ANKS1A: variants seen among roughly 807,000 people sequenced by gnomAD.
The protein encoded by ANKS1A is ankyrin repeat and SAM domain-containing protein 1A.
ANKS1A carries 55 observed loss-of-function variants against 120.3 expected under a neutral mutation model. The ratio of observed to expected loss-of-function variants is 0.46; its 90% CI spans 0.37 to 0.57. The LOEUF (loss-of-function observed/expected upper bound fraction) is 0.57. Among genes scored for constraint, ANKS1A ranks in the 20% least tolerant of loss-of-function variants. The probability of loss-of-function intolerance (pLI) is 0.00; values close to 1 mark genes in which losing one functional copy is unlikely to be tolerated. For synonymous variants in ANKS1A, 590 were observed against 604.7 expected (o/e 0.98, Z 0.36); for missense variants, 1,123 against 1,480.3 (o/e 0.76, Z 3.96).
At position 35,070,492 on chromosome 6, in the gene ANKS1A, T is replaced by A. The variant is rs1160605489; in HGVS notation, c.2185-8066T>A. The stretch of plus-strand genomic sequence containing the variant: ...TCCCCACAAGCCTTTATCTTTTTTT[T>A]TTTTTTTTTTTTTTTTTGAGACAGT... On this transcript the variant is annotated intron_variant, in intron 13 of 23. Coordinates refer to ENST00000360359, the MANE Select transcript of ANKS1A (RefSeq NM_015245.3). 2.9e-3 allele frequency among the ~76,000 whole-genome samples: 402 copies of A among 138,254 alleles called. 2 individuals carry two copies. Among genetic ancestry groups the A allele is most frequent in the African/African-American group, 0.01 (378 of 36,062 alleles). 90.7% of individuals were successfully genotyped at this position (138,254 alleles called of 152,430 possible).
chr6:35,010,746 A>C (rs1773720659), intron 10 of ANKS1A, among the ~76,000 whole-genome samples: 1 of 152,176 alleles, frequency 6.6e-6, no homozygotes, highest in Non-Finnish European at 1.5e-5. Flanking sequence ...ATGGGGTCTA[A>C]TTTCTAAGGT....
chr6:34,985,179 C>G lies in ANKS1A; in HGVS notation c.1110C>G (p.Cys370Trp). Residue 370 changes from cysteine (C) to tryptophan (W), a missense_variant, in exon 8 of 24, where the codon TGC (cysteine) becomes TGG (tryptophan). Cys to Trp is a radical substitution (Grantham distance 215). Coordinates refer to ENST00000360359, the MANE Select transcript of ANKS1A (RefSeq NM_015245.3). Reference protein sequence around the residue: ...PYEALYNAISCHSLDSMASGR... With the variant: ...PYEALYNAISWHSLDSMASGR... ...AAGCTCTGTATAATGCCATCTCCTG[C>G]CATTCGTTGGACAGCATGGCCAGCG... 1 of 1,614,200 alleles carries G rather than the reference C, an allele frequency of 6.2e-7. No homozygotes were observed. The highest frequency in any genetic ancestry group is 2.2e-5 in the East Asian group (1 of 44,880).
Position 35,050,463 on chromosome 6 carries a change from C to T in ANKS1A, c.2011-3636C>T, listed in dbSNP as rs1775914091. 6.6e-6 allele frequency among the ~76,000 whole-genome samples: 1 copy of T among 152,166 alleles called. No homozygotes were observed. The highest frequency in any genetic ancestry group is 1.5e-5 in the Non-Finnish European group (1 of 67,992). On this transcript the variant is annotated intron_variant, in intron 11 of 23. Transcript: ENST00000360359. The surrounding 1 kb of genome is among the most constrained non-coding windows in gnomAD (Gnocchi z 4.3). ...TGCCCGTCCATTACACTTAACCTGC[C>T]TCTTCCCCTGAAATGCAGACCATTT...
chr6:34,946,589 A>T (rs62402676), intron 1 of ANKS1A, among the ~76,000 whole-genome samples: 115 of 145,322 alleles, frequency 7.9e-4, no homozygotes, highest in African/African-American at 2.8e-3. Context: ...CTCTGTCTTG[A>T]AAAAAAAAAA....
Position 35,018,077 on chromosome 6 carries a change from TCA to T in ANKS1A, c.2010+21_2010+22del. ...GGGATGAGGTAAGGCCGACATGACG[TCA>T]CAGGGAGCTGGGCTGGCCAGGCTGG... On this transcript the variant is annotated intron_variant, in intron 11 of 23. Coordinates refer to ENST00000360359, the MANE Select transcript of ANKS1A (RefSeq NM_015245.3). 1.2e-6 allele frequency: 2 copies of T among 1,607,520 alleles called. No homozygotes were observed. The highest frequency in any genetic ancestry group is 1.7e-6 in the Non-Finnish European group (2 of 1,176,614).
chr6:35,047,195 A>G (rs1052176880), intron 11 of ANKS1A, among the ~76,000 whole-genome samples: 5 of 152,172 alleles, frequency 3.3e-5, no homozygotes, highest in Admixed American at 1.3e-4. Context: ...GTATGTATGT[A>G]TGTATTTTTA....
chr6:35,029,803 A>G (rs1002283136), intron 11 of ANKS1A, among the ~76,000 whole-genome samples: 13 of 148,484 alleles, frequency 8.8e-5, no homozygotes, highest in Non-Finnish European at 3.0e-5. Context: ...ATACAAATAT[A>G]TATTATTTGA....
At chr6:35,009,660 T>C (rs1188593153) in intron 10 of ANKS1A, among the ~76,000 whole-genome samples, 1 of 151,772 alleles carries the variant, frequency 6.6e-6, no homozygotes, top group Non-Finnish European at 1.5e-5. Flanking sequence ...CCCAGCACTT[T>C]GGGAGGTTGA....
intron 2 of ANKS1A, among the ~76,000 whole-genome samples, chr6:34,969,613 T>C (rs1231588222): frequency 5.3e-5 from 8 of 152,330 alleles, no homozygotes; most frequent in Admixed American, 4.6e-4. Flanking sequence ...CACTAAATGC[T>C]CTGAATAATG....
Position 34,983,220 on chromosome 6 carries a change from A to G in ANKS1A, c.910+6A>G. On this transcript the variant is annotated splice_donor_region_variant and intron_variant, in intron 6 of 23. Coordinates refer to ENST00000360359, the MANE Select transcript of ANKS1A (RefSeq NM_015245.3). The stretch of plus-strand genomic sequence containing the variant: ...AATAGCAGCATTAATTGAAGGTATC[A>G]TCCTTTCTCCCTGTCTGGGTGACCA... The G allele has an allele frequency of 6.2e-7, 1 of 1,613,990 alleles. No individual in the cohort carries two copies. The highest frequency in any genetic ancestry group is 8.5e-7 in the Non-Finnish European group (1 of 1,179,864).
At chr6:34,949,826 A>C (rs140990111) in intron 1 of ANKS1A, among the ~76,000 whole-genome samples, 1 of 152,158 alleles carries the variant, frequency 6.6e-6, no homozygotes, top group Non-Finnish European at 1.5e-5. Context: ...TAGCCTCTTT[A>C]ATTGAAGAGC....
intron 2 of ANKS1A, 98 bp from the exon 3 acceptor site, chr6:34,969,912 A>G (rs1771095724): frequency 5.7e-6 from 8 of 1,405,448 alleles, no homozygotes; most frequent in Non-Finnish European, 7.8e-6. Context: ...GCCAAATGAG[A>G]TATCTGTGAA....
chr6:35,085,850 G>T lies in ANKS1A; in HGVS notation c.3217G>T (p.Ala1073Ser). 6.2e-7 allele frequency: 1 copy of T among 1,613,768 alleles called. No homozygotes were observed. Residue 1073 changes from alanine to serine, a missense_variant, in exon 22 of 24, where the codon GCG becomes TCG. Ala to Ser is a moderately conservative substitution (Grantham distance 99). This residue lies in a region of ANKS1A where 904 missense variants were observed against 1,130.4 expected (regional missense o/e 0.80). Coordinates refer to ENST00000360359, the MANE Select transcript of ANKS1A (RefSeq NM_015245.3). This position sits in a 1 kb window ranked among gnomAD's most constrained non-coding sequence, Gnocchi z 4.7. Reference protein sequence around the residue: ...QLALQAQKSRATGASAAEMIE... With the variant: ...QLALQAQKSRSTGASAAEMIE... ...GGCCCTGCAGGCCCAGAAGTCCAGG[G>T]CGACGGGCGCCTCTGCAGCTGAGAT... is the stretch of plus-strand genomic sequence containing the variant.
At chr6:34,949,748 A>T (rs1019842971) in intron 1 of ANKS1A, among the ~76,000 whole-genome samples, 15 of 152,198 alleles carry the variant, frequency 9.9e-5, no homozygotes, top group Admixed American at 9.8e-4. Context: ...CTCGCCTTTG[A>T]AATCACTGAG....
intron 13 of ANKS1A, among the ~76,000 whole-genome samples, chr6:35,063,551 A>G (rs1776622452): frequency 6.6e-6 from 1 of 152,256 alleles, no homozygotes; most frequent in African/African-American, 2.4e-5. Flanking sequence ...GAGTGAAGAA[A>G]CTGACACAGA....
chr6:35,085,677 G>A lies in ANKS1A; in HGVS notation c.3133-89G>A. The A allele has an allele frequency of 4.3e-6, 6 of 1,380,090 alleles. No homozygotes were observed. The highest frequency in any genetic ancestry group is 5.8e-6 in the Non-Finnish European group (6 of 1,027,432). 85.5% of individuals were successfully genotyped at this position (1,380,090 alleles called of 1,614,324 possible). ...GGAGCGCTCCCGGGTAGACTTAGAGGGGGACACATGGTCCCTGCGAGGAAG... is the reference window on the plus strand; with the variant it reads ...GGAGCGCTCCCGGGTAGACTTAGAGAGGGACACATGGTCCCTGCGAGGAAG... On this transcript the variant is annotated intron_variant, in intron 21 of 23. Coordinates refer to ENST00000360359, the MANE Select transcript of ANKS1A (RefSeq NM_015245.3). This position sits in a 1 kb window ranked among gnomAD's most constrained non-coding sequence, Gnocchi z 4.7.
At chr6:35,024,080 A>T (rs962608685) in intron 11 of ANKS1A, among the ~76,000 whole-genome samples, 89 of 152,312 alleles carry the variant, frequency 5.8e-4, no homozygotes, top group African/African-American at 2.1e-3. Flanking sequence ...AAAATCCAAA[A>T]CTTTAAGCCT....
chr6:34,915,921 G>T (rs1306359989), intron 1 of ANKS1A, among the ~76,000 whole-genome samples: 2 of 147,432 alleles, frequency 1.4e-5, no homozygotes. Flanking sequence ...GGTCAGAGCT[G>T]TTTTCCTTTT....
At chr6:35,012,758 A>G (rs1403512116) in intron 10 of ANKS1A, among the ~76,000 whole-genome samples, 2 of 152,222 alleles carry the variant, frequency 1.3e-5, no homozygotes, top group Non-Finnish European at 2.9e-5. Context: ...GAGGATCACA[A>G]GTTGATGGGA....
Sources: gnomAD v4.1 joint callset for allele counts (sites outside exome capture counted in the v4.1 genomes callset) on GRCh38, gnomAD v4.1.1 for gene constraint, gnomAD v4.1.1 regional missense constraint, Gnocchi (gnomAD v3.1) non-coding constraint, MANE v1.5 for transcripts, NCBI Gene and HGNC (gene_info 2026-07-23, HGNC 2026-07-21) for gene names.